The following ADAMTS19 variants were observed in gnomAD, a reference collection of about 807,000 sequenced individuals.
ADAMTS19 encodes ADAM metallopeptidase with thrombospondin type 1 motif 19, also known as A disintegrin and metalloproteinase with thrombospondin motifs 19.
A neutral mutation model predicts 153.3 loss-of-function variants in ADAMTS19; 93 were observed. The observed-to-expected ratio is 0.61, with a 90% confidence interval of 0.51 to 0.72. The LOEUF is 0.72. Among genes scored for constraint, ADAMTS19 ranks in the 30% least tolerant of loss-of-function variants. The pLI is 0.00. For synonymous variants in ADAMTS19, 600 were observed against 556.6 expected, an observed-to-expected ratio of 1.08 and a Z score of -1.10; for missense variants, 1,482 against 1,552.1, an observed-to-expected ratio of 0.95 and a Z score of 0.76.
At chr5:129,665,360 T>C (rs781007505) in intron 15 of ADAMTS19, 139 bp from the exon 16 acceptor site, 3 of 544,280 alleles carry the variant, frequency 5.5e-6, no homozygotes, top group South Asian at 2.9e-5. Context: ...AGCTTTTATA[T>C]ATAAAAATTT....
chr5:129,591,672 G>A (rs1360901119), intron 7 of ADAMTS19, among the ~76,000 whole-genome samples: 1 of 151,924 alleles, frequency 6.6e-6, no homozygotes, highest in Non-Finnish European at 1.5e-5. Context: ...CTTCTGTTAT[G>A]CTTCAAATAA....
chr5:129,532,884 C>T (rs1248966754), intron 6 of ADAMTS19, among the ~76,000 whole-genome samples: 1 of 152,120 alleles, frequency 6.6e-6, no homozygotes, highest in East Asian at 1.9e-4. Flanking sequence ...AGGCAGATCA[C>T]TTGAGGTCAG....
At chr5:129,684,040 T>C (rs1754951641) in intron 17 of ADAMTS19, 80 bp from the exon 18 acceptor site, 1 of 1,409,588 alleles carries the variant, frequency 7.1e-7, no homozygotes, top group Admixed American at 2.1e-5. Flanking sequence ...ATTTTAAGTA[T>C]CAATATTGTT....
At chr5:129,684,829 T>C (rs1280811395) in intron 18 of ADAMTS19, among the ~76,000 whole-genome samples, 1 of 151,772 alleles carries the variant, frequency 6.6e-6, no homozygotes, top group Non-Finnish European at 1.5e-5. Context: ...CTACAAAAAA[T>C]ACAAAAAATT....
In ADAMTS19 at chr5:129,551,224, T is replaced by A. The variant is rs141159013; in HGVS notation, c.1329-640T>A. Among the ~76,000 whole-genome samples, 405 of 151,826 alleles carry A rather than the reference T, an allele frequency of 2.7e-3. 1 individual carries two copies. Among genetic ancestry groups the A allele is most frequent in the Admixed American group, 7.0e-3 (107 of 15,190 alleles). On this transcript the variant is annotated intron_variant, in intron 6 of 22. Coordinates refer to ENST00000274487, the MANE Select transcript of ADAMTS19 (RefSeq NM_133638.6). ...TGCCCCCAAATCTCATAGCTCTTATTAAGGTCTATTAAATTTTGCTCTATG... is the reference window on the plus strand; with the variant it reads ...TGCCCCCAAATCTCATAGCTCTTATAAAGGTCTATTAAATTTTGCTCTATG...
At chr5:129,577,569 A>T (rs1365853086) in intron 7 of ADAMTS19, among the ~76,000 whole-genome samples, 1 of 152,136 alleles carries the variant, frequency 6.6e-6, no homozygotes, top group East Asian at 1.9e-4. Flanking sequence ...TTTGATGATG[A>T]TCTGGAAAAT....
At chr5:129,605,758 G>A (rs551552670) in intron 8 of ADAMTS19, among the ~76,000 whole-genome samples, 3 of 152,058 alleles carry the variant, frequency 2.0e-5, no homozygotes, top group Non-Finnish European at 4.4e-5. Flanking sequence ...CCCTAATAGA[G>A]TTTTACATTT....
intron 7 of ADAMTS19, among the ~76,000 whole-genome samples, chr5:129,580,978 T>G (rs1749486039): frequency 6.6e-6 from 1 of 152,234 alleles, no homozygotes; most frequent in African/African-American, 2.4e-5. Context: ...CCCTCCTTTT[T>G]CTATTGTTGG....
At chr5:129,671,958 G>T (rs1301890514) in intron 16 of ADAMTS19, among the ~76,000 whole-genome samples, 1 of 152,116 alleles carries the variant, frequency 6.6e-6, no homozygotes, top group African/African-American at 2.4e-5. Flanking sequence ...TTTTTATAAT[G>T]TACCTGTCAT....
rs187718915 is a variant in ADAMTS19 at position 129,480,708 on chromosome 5, A to G, written c.747+18951A>G. 2.6e-4 allele frequency among the ~76,000 whole-genome samples: 39 copies of G among 152,334 alleles called. No individual in the cohort carries two copies. In the East Asian group the frequency reaches 5.8e-3, roughly 23 times the overall value. On this transcript the variant is annotated intron_variant, in intron 2 of 22. Transcript: ENST00000274487. ...TCCACATAAAAGTTCTCAAAGATTC[A>G]CAGCAGATTTTTTCATAACAGCCTC...
intron 13 of ADAMTS19, 82 bp from the exon 14 acceptor site, chr5:129,654,224 A>T: frequency 7.5e-7 from 1 of 1,332,666 alleles, no homozygotes; most frequent in South Asian, 1.5e-5. Flanking sequence ...TTACTCAATA[A>T]CGATTCTTAA....
intron 7 of ADAMTS19, among the ~76,000 whole-genome samples, chr5:129,580,849 C>T (rs770159732): frequency 7.2e-5 from 11 of 152,112 alleles, no homozygotes; most frequent in African/African-American, 2.2e-4. Context: ...ATTTTATTGA[C>T]GATTTTTGCA....
At chr5:129,680,023 C>A in intron 17 of ADAMTS19, 102 bp downstream of exon 17, 2 of 1,232,686 alleles carry the variant, frequency 1.6e-6, no homozygotes, top group South Asian at 1.8e-5. Context: ...AATTGTCACA[C>A]AGACATTTAA....
chr5:129,465,101 A>T (rs568579403), intron 2 of ADAMTS19, among the ~76,000 whole-genome samples: 2 of 152,318 alleles, frequency 1.3e-5, no homozygotes, highest in African/African-American at 4.8e-5. Context: ...GAGTGATCTG[A>T]TGACACTGTC....
At chr5:129,508,965 T>C in intron 2 of ADAMTS19, 112 bp from the exon 3 acceptor site, 5 of 838,918 alleles carry the variant, frequency 6.0e-6, no homozygotes, top group African/African-American at 1.8e-5. Context: ...TTAGTTTCAC[T>C]AGAAGACTGT....
chr5:129,684,312 G>A (rs1754968426), intron 18 of ADAMTS19, 39 bp downstream of exon 18: 3 of 1,603,456 alleles, frequency 1.9e-6, no homozygotes, highest in Admixed American at 3.4e-5. Context: ...CAAAACATCA[G>A]TTGTTTTCTG....
At position 129,583,294 on chromosome 5, in the gene ADAMTS19, G is replaced by A. The variant is rs546014210; in HGVS notation, c.1373-13265G>A. Among the ~76,000 whole-genome samples, 181 of 152,130 alleles carry A rather than the reference G, an allele frequency of 1.2e-3. 1 individual carries two copies. Among genetic ancestry groups the A allele is most frequent in the African/African-American group, 4.2e-3 (175 of 41,504 alleles). On this transcript the variant is annotated intron_variant, in intron 7 of 22. Coordinates refer to ENST00000274487, the MANE Select transcript of ADAMTS19 (RefSeq NM_133638.6). ...AGAGAGATCTGGTATTAGTCTGATGGGCTTCCCTTTGTGGATAACCTGACC... is the reference window on the plus strand; with the variant it reads ...AGAGAGATCTGGTATTAGTCTGATGAGCTTCCCTTTGTGGATAACCTGACC...
chr5:129,549,288 T>C (rs897659746), intron 6 of ADAMTS19, among the ~76,000 whole-genome samples: 2 of 151,344 alleles, frequency 1.3e-5, no homozygotes, highest in African/African-American at 2.4e-5. Flanking sequence ...AAGGATTAAA[T>C]GCATTTAAAA....
chr5:129,608,832 G>A (rs543777397), intron 8 of ADAMTS19, among the ~76,000 whole-genome samples: 1 of 116,324 alleles, frequency 8.6e-6, no homozygotes, highest in East Asian at 2.5e-4. Flanking sequence ...GGTCAATACA[G>A]CAAGACTCTG....
Sources: allele counts gnomAD v4.1 joint callset (sites outside exome capture counted in the v4.1 genomes callset), GRCh38; gene constraint gnomAD v4.1.1; transcripts MANE v1.5; gene names NCBI Gene and HGNC (gene_info 2026-07-23, HGNC 2026-07-21).